Variants in IRAK3 observed in about 807,000 individuals in gnomAD.
IRAK3 encodes the protein interleukin 1 receptor associated kinase 3, also known as interleukin-1 receptor-associated kinase 3.
In IRAK3, 57 loss-of-function variants were observed where a neutral mutation model predicts 56.6. That is an observed-to-expected ratio of 1.01 (90% CI 0.81 to 1.26). The LOEUF (loss-of-function observed/expected upper bound fraction) is 1.26, where lower values mean the gene tolerates loss of function less well. Ranked by LOEUF, IRAK3 falls within the 50% of genes most tolerant of loss-of-function variation. The probability of loss-of-function intolerance (pLI) is 0.00; values close to 1 mark genes in which losing one functional copy is unlikely to be tolerated. For missense variants in IRAK3, 703 were observed against 719.0 expected (o/e 0.98, Z 0.25); for synonymous variants, 258 against 255.7 (o/e 1.01, Z -0.09).
chr12:66,252,786 AT>A lies in IRAK3; in HGVS notation c.*4616del, dbSNP rs2053113355. ...GTCCTGTTGTGTAACTGATAATCCC[AT>A]GGTGGACCTCACTTTGCTATTCATA... On this transcript the variant is annotated 3_prime_UTR_variant, in exon 12 of 12. Coordinates refer to ENST00000261233, the MANE Select transcript of IRAK3 (RefSeq NM_007199.3). 6.6e-6 allele frequency: 1 copy of A among 152,238 alleles called. No homozygotes were observed. The allele number at this position is 152,238 out of a possible 1,614,324, so 9.4% of individuals were successfully genotyped here.
At chr12:66,199,225 A>G (rs1185020792) in intron 1 of IRAK3, among the ~76,000 whole-genome samples, 2 of 152,204 alleles carry the variant, frequency 1.3e-5, no homozygotes, top group Non-Finnish European at 2.9e-5. Flanking sequence ...AAGATTTATT[A>G]TATGTATTAG....
intron 5 of IRAK3, among the ~76,000 whole-genome samples, chr12:66,216,078 G>A (rs2052674067): frequency 2.0e-5 from 3 of 152,138 alleles, no homozygotes; most frequent in Admixed American, 2.0e-4. Flanking sequence ...AGCTCCTAAT[G>A]AAGCTGGGGT....
intron 5 of IRAK3, among the ~76,000 whole-genome samples, chr12:66,216,042 G>A (rs2052673770): frequency 6.6e-6 from 1 of 152,140 alleles, no homozygotes; most frequent in South Asian, 2.1e-4. Context: ...GATCTGACAG[G>A]AGCCCTGGAT....
chr12:66,197,428 A>G (rs2052465246), intron 1 of IRAK3: 1 of 984,878 alleles, frequency 1.0e-6, no homozygotes, highest in Non-Finnish European at 1.2e-6. Context: ...GATTGGAGCT[A>G]TTTTATAGAA....
rs1203874300 is a variant in IRAK3 at position 66,254,137 on chromosome 12, T to C, written c.*5966T>C. 6.6e-6 allele frequency: 1 copy of C among 152,042 alleles called. No individual in the cohort carries two copies. Among genetic ancestry groups the C allele is most frequent in the Non-Finnish European group, 1.5e-5 (1 of 68,022 alleles). 9.4% of individuals were successfully genotyped at this position (152,042 alleles called of 1,614,324 possible). A position where few individuals can be genotyped will look rare whatever the true frequency, so the allele number is the denominator to read the frequency against. Reference sequence around the variant, plus strand: ...CTAGAAGGCAATTTGGCAACATGTATGAAAACCTAAATGTTGATACACCTT... The same window carrying C: ...CTAGAAGGCAATTTGGCAACATGTACGAAAACCTAAATGTTGATACACCTT... On this transcript the variant is annotated 3_prime_UTR_variant, in exon 12 of 12. Transcript: ENST00000261233.
At chr12:66,242,135 T>C (rs2052976388) in intron 8 of IRAK3, among the ~76,000 whole-genome samples, 1 of 152,128 alleles carries the variant, frequency 6.6e-6, no homozygotes. Flanking sequence ...ATTCAGAACA[T>C]TCCCACCCTC....
At chr12:66,234,557 C>G in intron 8 of IRAK3, 4 of 1,611,940 alleles carry the variant, frequency 2.5e-6, no homozygotes, top group Non-Finnish European at 3.4e-6. Flanking sequence ...CTCTCCTTCT[C>G]TATGCCATGG....
At chr12:66,228,112 T>G in intron 7 of IRAK3, 140 bp from the exon 8 acceptor site, 46 of 743,580 alleles carry the variant, frequency 6.2e-5, no homozygotes, top group Middle Eastern at 5.4e-4. Context: ...AAAAATAGGT[T>G]TTGGAAAACC....
intron 8 of IRAK3, among the ~76,000 whole-genome samples, chr12:66,233,241 G>C (rs898489702): frequency 2.6e-5 from 4 of 152,226 alleles, no homozygotes; most frequent in Middle Eastern, 6.8e-3. Flanking sequence ...AAGACAGGCC[G>C]GGCGCGGTGG....
intron 6 of IRAK3, among the ~76,000 whole-genome samples, chr12:66,225,015 A>G (rs1053765612): frequency 6.6e-6 from 1 of 152,168 alleles, no homozygotes; most frequent in African/African-American, 2.4e-5. Context: ...AGGTATCTCC[A>G]TGTTCCATAC....
At position 66,248,028 on chromosome 12, in the gene IRAK3, C is replaced by A; in HGVS notation, c.1648C>A (p.Pro550Thr). The change falls in exon 12 of 12, where the codon CCA (proline) becomes ACA (threonine). Residue 550 changes from proline to threonine, a missense_variant. By Grantham distance (38) the Pro-to-Thr change is conservative. Transcript: ENST00000261233. ...EESWFPKYIVPSQDLRPYKVN... is the reference protein window; with the variant it reads ...EESWFPKYIVTSQDLRPYKVN... Reference sequence around the variant, plus strand: ...AAGTTGGTTCCCAAAGTATATAGTTCCATCCCAGGACTTAAGGCCCTATAA... The same window carrying A: ...AAGTTGGTTCCCAAAGTATATAGTTACATCCCAGGACTTAAGGCCCTATAA... The A allele has an allele frequency of 6.3e-7, 1 of 1,591,316 alleles. No individual in the cohort carries two copies. The highest frequency in any genetic ancestry group is 2.2e-5 in the East Asian group (1 of 44,752).
intron 4 of IRAK3, 110 bp from the exon 5 acceptor site, chr12:66,211,336 C>G (rs1312055089): frequency 1.3e-6 from 1 of 780,418 alleles, no homozygotes; most frequent in African/African-American, 1.7e-5. Flanking sequence ...CTGGGCCTTT[C>G]TCTACTAACC....
intron 1 of IRAK3, among the ~76,000 whole-genome samples, chr12:66,194,211 C>A (rs533273883): frequency 6.6e-6 from 1 of 152,258 alleles, no homozygotes; most frequent in Non-Finnish European, 1.5e-5. Flanking sequence ...CCAGGTAAGC[C>A]TGGTTTTTTG....
rs1337331148 is a variant in IRAK3 at position 66,234,862 on chromosome 12, G to A, written c.887+6492G>A. On this transcript the variant is annotated intron_variant, in intron 8 of 11. Transcript: ENST00000261233. ...CCATGGAGAGTGGCAAATTAGAAAT[G>A]TAGAGGTTGGTAGGATCTTGTTCCT... The A allele has an allele frequency of 5.0e-6, 8 of 1,612,034 alleles. No homozygotes were observed. In the Admixed American group the frequency reaches 1.3e-4, roughly 27 times the overall value.
intron 6 of IRAK3, among the ~76,000 whole-genome samples, chr12:66,224,038 T>G (rs2052762248): frequency 6.6e-6 from 1 of 152,204 alleles, no homozygotes; most frequent in Non-Finnish European, 1.5e-5. Flanking sequence ...TAATGCAATT[T>G]TAATAACTTT....
intron 6 of IRAK3, among the ~76,000 whole-genome samples, chr12:66,222,492 A>C (rs2052744348): frequency 6.6e-6 from 1 of 151,746 alleles, no homozygotes. Context: ...TATGATCCTT[A>C]GTGTTTCTGT....
At chr12:66,234,424 G>C in intron 8 of IRAK3, 1 of 1,611,176 alleles carries the variant, frequency 6.2e-7, no homozygotes, top group Admixed American at 1.7e-5. Flanking sequence ...ATACAATATA[G>C]GGTGTAATAG....
At chr12:66,190,343 G>A (rs1197416411) in intron 1 of IRAK3, among the ~76,000 whole-genome samples, 1 of 150,990 alleles carries the variant, frequency 6.6e-6, no homozygotes, top group Non-Finnish European at 1.5e-5. Context: ...TACAAAAAAT[G>A]TTTATATATT....
chr12:66,247,232 T>C (rs2053042103), intron 11 of IRAK3, among the ~76,000 whole-genome samples: 1 of 151,944 alleles, frequency 6.6e-6, no homozygotes, highest in Admixed American at 6.6e-5. Flanking sequence ...ATTATCCCAC[T>C]GCGCCACAGC....
Sources: allele counts gnomAD v4.1 joint callset (sites outside exome capture counted in the v4.1 genomes callset), GRCh38; gene constraint gnomAD v4.1.1; transcripts MANE v1.5; gene names NCBI Gene and HGNC (gene_info 2026-07-23, HGNC 2026-07-21).